The following ADGRG3 variants were observed in gnomAD, a reference collection of about 807,000 sequenced individuals.
ADGRG3 encodes the protein adhesion G protein-coupled receptor G3.
A neutral mutation model predicts 54.3 loss-of-function variants in ADGRG3; 39 were observed. The observed-to-expected ratio is 0.72, with a 90% CI of 0.56 to 0.94. The LOEUF is 0.94. Among genes scored for constraint, ADGRG3 ranks in the 40% least tolerant of loss-of-function variants. The pLI, the probability that ADGRG3 is intolerant of heterozygous loss-of-function variation, is 0.00. For synonymous variants in ADGRG3, 312 were observed against 290.0 expected, an observed-to-expected ratio of 1.08 and a Z score of -0.77; for missense variants, 654 against 694.6, an observed-to-expected ratio of 0.94 and a Z score of 0.66.
rs1365360463 is a variant in ADGRG3, at chr16:57,683,924, C to T, written c.882-8C>T. 2 of 1,527,660 alleles carry T rather than the reference C, an allele frequency of 1.3e-6. No individual in the cohort carries two copies. The highest frequency in any genetic ancestry group is 4.2e-5 in the Admixed American group (2 of 47,226). The allele number at this position is 1,527,660 out of a possible 1,614,324, so 94.6% of individuals were successfully genotyped here. A position where few individuals can be genotyped will look rare whatever the true frequency, so the allele number is the denominator to read the frequency against. On this transcript the variant is annotated splice_region_variant and splice_polypyrimidine_tract_variant and intron_variant, in intron 8 of 11. Coordinates refer to ENST00000333493, the MANE Select transcript of ADGRG3 (RefSeq NM_170776.5). ...TGGCCCCTTGGGGCCTCTTATTTCT[C>T]ACCCCAGGCTTTCCCGGGAGAGGTT...
chr16:57,678,589 C>T, intron 4 of ADGRG3: 2 of 521,122 alleles, frequency 3.8e-6, no homozygotes, highest in South Asian at 4.8e-5. Context: ...TGCTCGTGTG[C>T]TCTGTGTGTC....
intron 9 of ADGRG3, 37 bp downstream of exon 9, chr16:57,684,249 C>A: frequency 6.3e-7 from 1 of 1,595,488 alleles, no homozygotes; most frequent in South Asian, 1.1e-5. Context: ...AAACGGCCGG[C>A]CCTGAGGGTG....
chr16:57,684,525 G>A (rs370787512), intron 10 of ADGRG3, 42 bp downstream of exon 10: 177 of 1,411,384 alleles, frequency 1.3e-4, no homozygotes, highest in East Asian at 2.3e-4. Context: ...CCAGCTCCCC[G>A]GCTACACATA....
upstream of ADGRG3, among the ~76,000 whole-genome samples, chr16:57,667,935 C>G (rs887202464): frequency 6.6e-6 from 1 of 152,236 alleles, no homozygotes; most frequent in Non-Finnish European, 1.5e-5. Flanking sequence ...AACTGAGGCT[C>G]AGAGAGGCTC....
intron 8 of ADGRG3, among the ~76,000 whole-genome samples, chr16:57,683,594 A>G (rs2048415658): frequency 6.6e-6 from 1 of 152,020 alleles, no homozygotes. Context: ...CTCTGCTTTT[A>G]CTTATTCTGC....
rs1414509360 is a variant in ADGRG3, at chr16:57,683,954, T to A, written c.904T>A (p.Ser302Thr). ...CAGGCTTTCCCGGGAGAGGTTCAAGTCAGAAGATGCCCCAAAGATCCACGT... is the reference window on the plus strand; with the variant it reads ...CAGGCTTTCCCGGGAGAGGTTCAAGACAGAAGATGCCCCAAAGATCCACGT... The part of the protein sequence containing the change: ...FLRLSRERFK[S>T]EDAPKIHVAL... The change falls in exon 9 of 12, where the codon TCA becomes ACA. Residue 302 changes from serine (S) to threonine (T), a missense_variant. Transcript: ENST00000333493. The A allele has an allele frequency of 6.4e-7, 1 of 1,571,164 alleles. No individual in the cohort carries two copies. Among genetic ancestry groups the A allele is most frequent in the Non-Finnish European group, 8.6e-7 (1 of 1,156,192 alleles).
At chr16:57,671,207 G>A (rs1314960458) in intron 1 of ADGRG3, among the ~76,000 whole-genome samples, 1 of 152,084 alleles carries the variant, frequency 6.6e-6, no homozygotes, top group Non-Finnish European at 1.5e-5. Context: ...TAGAATAATA[G>A]GCATGTGGAT....
Position 57,676,278 on chromosome 16 carries a change from G to A in ADGRG3, c.285G>A (p.Leu95=). 1 of 1,614,100 alleles carries A rather than the reference G, an allele frequency of 6.2e-7. No individual in the cohort carries two copies. The highest frequency in any genetic ancestry group is 8.5e-7 in the Non-Finnish European group (1 of 1,179,962). Residue 95 remains leucine (L), a synonymous_variant, in exon 3 of 12, where the codon TTG becomes TTA. Transcript: ENST00000333493. The part of the protein sequence containing the change: ...QKVNTPFLKA[L]VQNLSTNTAE... ...TGAACACGCCTTTCCTGAAGGCTTT[G>A]GTCCAGAACCTCAGCACCAACACTG...
Position 57,680,375 on chromosome 16 carries a change from C to T in ADGRG3, c.768+10C>T, listed in dbSNP as rs1160676774. Reference sequence around the variant, plus strand: ...TTTCGCCCTGCTCCTGGTAACAGCCCCCTCCACTCTGATCCCAGCCATCCC... The same window carrying T: ...TTTCGCCCTGCTCCTGGTAACAGCCTCCTCCACTCTGATCCCAGCCATCCC... On this transcript the variant is annotated intron_variant, in intron 7 of 11. Coordinates refer to ENST00000333493, the MANE Select transcript of ADGRG3 (RefSeq NM_170776.5). 4.4e-6 allele frequency: 7 copies of T among 1,608,108 alleles called. No individual in the cohort carries two copies. Among genetic ancestry groups the T allele is most frequent in the Non-Finnish European group, 6.0e-6 (7 of 1,175,036 alleles).
chr16:57,675,186 A>C (rs1353757999), intron 2 of ADGRG3, among the ~76,000 whole-genome samples: 1 of 151,134 alleles, frequency 6.6e-6, no homozygotes, highest in Non-Finnish European at 1.5e-5. Context: ...AAAGAAATAA[A>C]ATACAGGGGC....
At chr16:57,681,277 G>A (rs1178242244) in intron 8 of ADGRG3, 1 of 154,716 alleles carries the variant, frequency 6.5e-6, no homozygotes, top group African/African-American at 2.4e-5. Flanking sequence ...CAGTACTGTT[G>A]ACTAGAATAC....
chr16:57,679,734 G>C (rs1323233601), intron 5 of ADGRG3, 82 bp from the exon 6 acceptor site: 6 of 1,078,168 alleles, frequency 5.6e-6, no homozygotes, highest in Non-Finnish European at 8.7e-6. Flanking sequence ...AGGACTCGGG[G>C]GAGCACACCG....
chr16:57,670,765 A>AT (rs1438110407), intron 1 of ADGRG3, among the ~76,000 whole-genome samples: 1 of 152,058 alleles, frequency 6.6e-6, no homozygotes, highest in Non-Finnish European at 1.5e-5. Flanking sequence ...CTAAAATGTT[A>AT]TTTTTTTACC....
At chr16:57,679,795 A>T (rs369910923) in intron 5 of ADGRG3, 21 bp from the exon 6 acceptor site, 109 of 1,607,068 alleles carry the variant, frequency 6.8e-5, no homozygotes, top group Non-Finnish European at 8.9e-5. Flanking sequence ...CTCTCTCCTG[A>T]CTTCCACTCT....
intron 5 of ADGRG3, 30 bp downstream of exon 5, chr16:57,679,341 C>T: frequency 2.5e-6 from 4 of 1,611,810 alleles, no homozygotes; most frequent in Non-Finnish European, 2.5e-6. Flanking sequence ...CTGGCAGCCA[C>T]TGCAGGGCAG....
intron 3 of ADGRG3, among the ~76,000 whole-genome samples, chr16:57,676,972 T>G (rs1421083663): frequency 6.6e-6 from 1 of 152,276 alleles, no homozygotes; most frequent in Non-Finnish European, 1.5e-5. Context: ...GTGGTGGAAC[T>G]TCAGGCAGCA....
At chr16:57,682,647 A>T (rs2048395037) in intron 8 of ADGRG3, 1 of 985,042 alleles carries the variant, frequency 1.0e-6, no homozygotes, top group African/African-American at 1.7e-5. Context: ...ATGATCCCAG[A>T]TGCTCCTCCA....
chr16:57,675,366 T>C (rs180990602), intron 2 of ADGRG3, among the ~76,000 whole-genome samples: 2 of 152,164 alleles, frequency 1.3e-5, no homozygotes, highest in Admixed American at 6.5e-5. Context: ...GGTTCATGCC[T>C]GTAATCCCAG....
chr16:57,685,939 C>A lies in ADGRG3; in HGVS notation c.1540+13C>A, dbSNP rs1469381068. 2 of 1,611,756 alleles carry A rather than the reference C, an allele frequency of 1.2e-6. No individual in the cohort carries two copies. Among genetic ancestry groups the A allele is most frequent in the Non-Finnish European group, 1.7e-6 (2 of 1,178,422 alleles). On this transcript the variant is annotated intron_variant, in intron 11 of 11. Transcript: ENST00000333493. Reference sequence around the variant, plus strand: ...AACTCCTTGCAAGGTGAGGCCCCTGCACCAGGGAGGTGATGGGCTGTGTTG... The same window carrying A: ...AACTCCTTGCAAGGTGAGGCCCCTGAACCAGGGAGGTGATGGGCTGTGTTG...
Sources: allele counts gnomAD v4.1 joint callset (sites outside exome capture counted in the v4.1 genomes callset), GRCh38; gene constraint gnomAD v4.1.1; transcripts MANE v1.5; gene names NCBI Gene and HGNC (gene_info 2026-07-23, HGNC 2026-07-21).